POFUT3: variants seen among roughly 807,000 people sequenced by gnomAD.
The protein encoded by POFUT3 is GDP-fucose protein O-fucosyltransferase 3.
chr8:33,316,586 A>C, the POFUT3 span, among the ~76,000 whole-genome samples: 1 of 151,692 alleles, frequency 6.6e-6, no homozygotes, highest in Non-Finnish European at 1.5e-5. Flanking sequence ...GAAAGAAAGA[A>C]AGAAAGAAAG....
the POFUT3 span, chr8:33,436,512 T>C: frequency 8.3e-7 from 1 of 1,199,568 alleles, no homozygotes; most frequent in Non-Finnish European, 1.2e-6. Flanking sequence ...CACTGATGTT[T>C]ACCCCATAAA....
the POFUT3 span, among the ~76,000 whole-genome samples, chr8:33,364,627 AACAG>A: frequency 5.3e-5 from 8 of 152,334 alleles, no homozygotes; most frequent in East Asian, 1.9e-4. Flanking sequence ...ACACACCATT[AACAG>A]ACAGACAAAT....
the POFUT3 span, among the ~76,000 whole-genome samples, chr8:33,388,329 C>CTTTTTTTTTT: frequency 1.2e-5 from 1 of 83,862 alleles, no homozygotes; most frequent in Non-Finnish European, 2.2e-5. Flanking sequence ...AAGCAGAACT[C>CTTTTTTTTTT]TTTTTTTTTT....
chr8:33,441,417 A>C, the POFUT3 span, among the ~76,000 whole-genome samples: 1 of 104,746 alleles, frequency 9.5e-6, no homozygotes, highest in Admixed American at 1.3e-4. Flanking sequence ...GTCTGGCTCT[A>C]TTGACCAGGC....
At chr8:33,453,180 C>A in the POFUT3 span, 2 of 1,599,042 alleles carry the variant, frequency 1.3e-6, no homozygotes, top group Non-Finnish European at 1.7e-6. Flanking sequence ...AGGAAGACCA[C>A]AGCAAACAAG....
chr8:33,359,080 G>A, the POFUT3 span, among the ~76,000 whole-genome samples: 1 of 152,124 alleles, frequency 6.6e-6, no homozygotes, highest in Non-Finnish European at 1.5e-5. Flanking sequence ...ACAAATCACA[G>A]AAGATGGAGG....
At chr8:33,403,585 G>A in the POFUT3 span, among the ~76,000 whole-genome samples, 1 of 152,082 alleles carries the variant, frequency 6.6e-6, no homozygotes, top group Non-Finnish European at 1.5e-5. Flanking sequence ...AGGTGTGGCA[G>A]TGCATGCCTG....
the POFUT3 span, among the ~76,000 whole-genome samples, chr8:33,332,182 G>GA: frequency 6.4e-3 from 635 of 99,894 alleles, 3 homozygotes; most frequent in East Asian, 0.027. Flanking sequence ...GGAGGAGGAG[G>GA]AAAAAAAAAA....
chr8:33,374,779 T>G, the POFUT3 span, among the ~76,000 whole-genome samples: 3 of 152,160 alleles, frequency 2.0e-5, no homozygotes, highest in Non-Finnish European at 4.4e-5. Context: ...TTCAAAATTC[T>G]GAGAAAAATG....
chr8:33,374,920 C>T, the POFUT3 span, among the ~76,000 whole-genome samples: 1 of 149,232 alleles, frequency 6.7e-6, no homozygotes, highest in African/African-American at 2.5e-5. Context: ...GTCTCCCAGG[C>T]TGGAGTGCAG....
the POFUT3 span, among the ~76,000 whole-genome samples, chr8:33,356,845 T>A: frequency 6.6e-6 from 1 of 152,202 alleles, no homozygotes; most frequent in African/African-American, 2.4e-5. Flanking sequence ...AATTAATTTT[T>A]GTATAAGGTG....
At chr8:33,420,261 G>A in the POFUT3 span, among the ~76,000 whole-genome samples, 1 of 152,266 alleles carries the variant, frequency 6.6e-6, no homozygotes, top group Admixed American at 6.5e-5. Context: ...AAATTTAAGA[G>A]AGAATTATTA....
At chr8:33,461,338 G>A in the POFUT3 span, 3 of 1,577,488 alleles carry the variant, frequency 1.9e-6, no homozygotes, top group South Asian at 2.3e-5. Flanking sequence ...CAAAGGCCCA[G>A]CTATCAACAC....
At chr8:33,389,159 C>T in the POFUT3 span, 6 of 1,614,004 alleles carry the variant, frequency 3.7e-6, no homozygotes, top group South Asian at 2.2e-5. Flanking sequence ...AGAATCCAGT[C>T]GTCTGATGTA....
At chr8:33,338,112 A>T in the POFUT3 span, among the ~76,000 whole-genome samples, 1 of 152,186 alleles carries the variant, frequency 6.6e-6, no homozygotes, top group Non-Finnish European at 1.5e-5. Context: ...CTAAAATCTC[A>T]TTTTAATTGA....
chr8:33,311,428 C>A, the POFUT3 span, among the ~76,000 whole-genome samples: 1 of 152,096 alleles, frequency 6.6e-6, no homozygotes, highest in Non-Finnish European at 1.5e-5. Context: ...TTGAGTTGAG[C>A]CTGAATCAGT....
the POFUT3 span, chr8:33,452,589 A>T: frequency 6.6e-6 from 1 of 152,156 alleles, no homozygotes; most frequent in East Asian, 1.9e-4. Flanking sequence ...TTAAACATTT[A>T]AAAAACTTTT....
the POFUT3 span, among the ~76,000 whole-genome samples, chr8:33,357,104 A>G: frequency 5.9e-5 from 9 of 152,162 alleles, no homozygotes; most frequent in African/African-American, 1.7e-4. Flanking sequence ...GTCAGGTAGC[A>G]TGATGCCTCC....
the POFUT3 span, among the ~76,000 whole-genome samples, chr8:33,417,464 G>C: frequency 1.3e-5 from 2 of 152,144 alleles, no homozygotes; most frequent in Admixed American, 1.3e-4. Flanking sequence ...GTGCCAAAAA[G>C]GTTGGGCACT....
Sources: gnomAD v4.1 joint callset for allele counts (sites outside exome capture counted in the v4.1 genomes callset) on GRCh38, gnomAD v4.1.1 for gene constraint, MANE v1.5 for transcripts, NCBI Gene and HGNC (gene_info 2026-07-23, HGNC 2026-07-21) for gene names.